ADAMTS17: variants seen among roughly 807,000 people sequenced by gnomAD.
The protein encoded by ADAMTS17 is A disintegrin and metalloproteinase with thrombospondin motifs 17.
ADAMTS17 carries 113 observed loss-of-function variants against 141.5 expected under a neutral mutation model. The observed-to-expected ratio is 0.80, with a 90% confidence interval of 0.69 to 0.93. The LOEUF (loss-of-function observed/expected upper bound fraction) is 0.93. ADAMTS17 is among the 40% of genes least tolerant of loss of function. ADAMTS17 has a pLI of 0.00. For synonymous variants in ADAMTS17, 768 were observed against 630.6 expected (o/e 1.22, Z -3.27); for missense variants, 1,659 against 1,517.9 (o/e 1.09, Z -1.54).
chr15:100,007,216 G>A (rs951415710), intron 18 of ADAMTS17, among the ~76,000 whole-genome samples: 3 of 152,230 alleles, frequency 2.0e-5, no homozygotes, highest in South Asian at 2.1e-4. Context: ...GCATTCAGAC[G>A]GAGGGAGCCT....
intron 11 of ADAMTS17, among the ~76,000 whole-genome samples, 194 bp from the exon 12 acceptor site, chr15:100,132,346 T>C (rs2038096230): frequency 6.6e-6 from 1 of 152,244 alleles, no homozygotes; most frequent in African/African-American, 2.4e-5. Context: ...CTCATATCGC[T>C]GTAGGGTTTG....
chr15:99,998,352 C>G (rs758220253), intron 18 of ADAMTS17, among the ~76,000 whole-genome samples: 18 of 152,174 alleles, frequency 1.2e-4, no homozygotes, highest in Non-Finnish European at 2.2e-4. Context: ...CCTGTAATCC[C>G]AGCACTTTGG....
intron 8 of ADAMTS17, among the ~76,000 whole-genome samples, chr15:100,156,892 G>C (rs1054209412): frequency 2.6e-5 from 4 of 152,208 alleles, no homozygotes; most frequent in East Asian, 3.9e-4. Context: ...TTTGTGTGAG[G>C]AAAGTGTATT....
chr15:100,130,033 G>C (rs1420488084), intron 12 of ADAMTS17, among the ~76,000 whole-genome samples: 1 of 152,054 alleles, frequency 6.6e-6, no homozygotes, highest in Non-Finnish European at 1.5e-5. Context: ...AGCTAAACAG[G>C]GTTTCTAATC....
In ADAMTS17 at chr15:100,089,315, T is replaced by C. The variant is rs2035302335; in HGVS notation, c.2137+7041A>G. On this transcript the variant is annotated intron_variant, in intron 15 of 21. Coordinates refer to ENST00000268070, the MANE Select transcript of ADAMTS17 (RefSeq NM_139057.4). ...CATCTCACACCAGTTAGAATGGCAA[T>C]CATTAAGTCAGGAAACAACAGGTGC... is the stretch of plus-strand genomic sequence containing the variant. Among the ~76,000 whole-genome samples the C allele has an allele frequency of 1.6e-5, 2 of 127,966 alleles. 1 individual carries two copies. The highest frequency in any genetic ancestry group is 3.1e-5 in the Non-Finnish European group (2 of 65,106). The allele number at this position is 127,966 out of a possible 152,430, so 84.0% of individuals were successfully genotyped here. A position where few individuals can be genotyped will look rare whatever the true frequency, so the allele number is the denominator to read the frequency against.
intron 6 of ADAMTS17, among the ~76,000 whole-genome samples, chr15:100,258,950 T>TG (rs1419340491): frequency 6.7e-6 from 1 of 150,054 alleles, no homozygotes. Context: ...TTATTGCCTC[T>TG]GGAAAAAAAA....
At chr15:100,090,370 G>A (rs1406647511) in intron 15 of ADAMTS17, among the ~76,000 whole-genome samples, 1 of 152,202 alleles carries the variant, frequency 6.6e-6, no homozygotes, top group Non-Finnish European at 1.5e-5. Flanking sequence ...GGAAACTTTT[G>A]CAACTAACAA....
At chr15:100,269,088 G>A (rs1366671868) in intron 4 of ADAMTS17, among the ~76,000 whole-genome samples, 3 of 152,180 alleles carry the variant, frequency 2.0e-5, no homozygotes, top group Non-Finnish European at 4.4e-5. Context: ...GCAGAAGAAT[G>A]AAACTGGACC....
At chr15:100,335,631 A>G (rs547225320) in intron 2 of ADAMTS17, among the ~76,000 whole-genome samples, 1 of 152,342 alleles carries the variant, frequency 6.6e-6, no homozygotes, top group South Asian at 2.1e-4. Context: ...TGATCAGCTG[A>G]TGTATAACTA....
At chr15:100,224,941 A>G (rs995364172) in intron 7 of ADAMTS17, among the ~76,000 whole-genome samples, 4 of 152,192 alleles carry the variant, frequency 2.6e-5, no homozygotes, top group Admixed American at 1.3e-4. Context: ...CCTGCATTCC[A>G]TCTGGACCCA....
At chr15:100,223,127 C>T (rs28395275) in intron 7 of ADAMTS17, among the ~76,000 whole-genome samples, 2,773 of 152,244 alleles carry the variant, frequency 0.018, 98 homozygotes, top group African/African-American at 0.063. Flanking sequence ...AATGTGAGGA[C>T]GAGAGGCACC....
At chr15:100,263,733 C>G (rs542039528) in intron 4 of ADAMTS17, among the ~76,000 whole-genome samples, 18 of 152,196 alleles carry the variant, frequency 1.2e-4, no homozygotes, top group Non-Finnish European at 2.5e-4. Flanking sequence ...TTGGAGGGAA[C>G]AAGAATGAGA....
At chr15:100,060,891 C>A (rs1475946394) in intron 15 of ADAMTS17, among the ~76,000 whole-genome samples, 3 of 152,220 alleles carry the variant, frequency 2.0e-5, no homozygotes, top group African/African-American at 7.2e-5. Context: ...ACTTCCAAAG[C>A]ACCCAGCCCC....
Position 100,084,338 on chromosome 15 carries a change from C to T in ADAMTS17, c.2137+12018G>A, listed in dbSNP as rs146076674. On this transcript the variant is annotated intron_variant, in intron 15 of 21. Coordinates refer to ENST00000268070, the MANE Select transcript of ADAMTS17 (RefSeq NM_139057.4). ...CGAGGCTTGAGTAGGTAAACAAAGC[C>T]GCCGGGAAGCTCGAACTGGGTGGAG... is the stretch of plus-strand genomic sequence containing the variant. Among the ~76,000 whole-genome samples, 1,439 of 152,282 alleles carry T rather than the reference C, an allele frequency of 9.4e-3. 12 individuals carry two copies. The highest frequency in any genetic ancestry group is 0.015 in the Non-Finnish European group (1,030 of 68,018).
chr15:100,338,458 A>G (rs933165860), intron 2 of ADAMTS17, among the ~76,000 whole-genome samples: 1 of 152,226 alleles, frequency 6.6e-6, no homozygotes, highest in Non-Finnish European at 1.5e-5. Flanking sequence ...ATGATACTCA[A>G]CATCCGGAAC....
intron 8 of ADAMTS17, among the ~76,000 whole-genome samples, chr15:100,196,490 G>A (rs1172645952): frequency 1.3e-5 from 2 of 152,206 alleles, no homozygotes; most frequent in Non-Finnish European, 1.5e-5. Context: ...GCCCTACGAC[G>A]CACATTAGGT....
chr15:100,310,646 G>T (rs538398740), intron 3 of ADAMTS17, among the ~76,000 whole-genome samples: 1 of 152,182 alleles, frequency 6.6e-6, no homozygotes, highest in Non-Finnish European at 1.5e-5. Flanking sequence ...CTGGTCCCAG[G>T]TTGCATCCAC....
At chr15:100,262,911 G>T (rs1309897090) in intron 4 of ADAMTS17, among the ~76,000 whole-genome samples, 2 of 151,970 alleles carry the variant, frequency 1.3e-5, no homozygotes, top group African/African-American at 4.8e-5. Flanking sequence ...TATTTAAAAG[G>T]TTGTCCAGGA....
intron 15 of ADAMTS17, among the ~76,000 whole-genome samples, chr15:100,059,691 C>T (rs955989174): frequency 6.6e-6 from 1 of 152,092 alleles, no homozygotes; most frequent in Admixed American, 6.5e-5. Context: ...GGGGCCATGT[C>T]AAATCCAGAG....
Sources: allele counts gnomAD v4.1 joint callset (sites outside exome capture counted in the v4.1 genomes callset), GRCh38; gene constraint gnomAD v4.1.1; transcripts MANE v1.5; gene names NCBI Gene and HGNC (gene_info 2026-07-23, HGNC 2026-07-21).